MDFIC2: variants seen among roughly 807,000 people sequenced by gnomAD.
MDFIC2 encodes the protein MyoD family inhibitor domain containing 2, also known as myoD family inhibitor domain-containing protein 2.
At chr3:70,234,249 T>A (rs1701587957) in intron 2 of MDFIC2, among the ~76,000 whole-genome samples, 1 of 152,194 alleles carries the variant, frequency 6.6e-6, no homozygotes, top group African/African-American at 2.4e-5. Flanking sequence ...AAAAAATACA[T>A]TTGTTTATTT....
intron 2 of MDFIC2, among the ~76,000 whole-genome samples, chr3:70,274,893 T>A (rs1702007854): frequency 6.6e-6 from 1 of 152,226 alleles, no homozygotes. Flanking sequence ...AACTCTGGGA[T>A]TTGCTCTGTT....
intron 2 of MDFIC2, among the ~76,000 whole-genome samples, chr3:70,244,975 T>C (rs1701693190): frequency 1.3e-5 from 2 of 152,138 alleles, no homozygotes; most frequent in South Asian, 4.1e-4. Context: ...ATACTACTTA[T>C]CTGGTGCTAT....
intron 2 of MDFIC2, among the ~76,000 whole-genome samples, chr3:70,284,067 G>T (rs942739424): frequency 6.6e-6 from 1 of 152,052 alleles, no homozygotes; most frequent in Non-Finnish European, 1.5e-5. Flanking sequence ...AATGAACTTG[G>T]TTTTAAACCT....
At chr3:70,200,177 T>TCAG (rs1576152492) in intron 3 of MDFIC2, among the ~76,000 whole-genome samples, 1 of 152,178 alleles carries the variant, frequency 6.6e-6, no homozygotes, top group African/African-American at 2.4e-5. Flanking sequence ...CTGGCCACCA[T>TCAG]CAGCCACCAG....
intron 2 of MDFIC2, among the ~76,000 whole-genome samples, chr3:70,234,176 T>C (rs577095933): frequency 2.6e-5 from 4 of 152,312 alleles, no homozygotes; most frequent in Admixed American, 2.0e-4. Context: ...TGACTTAGGA[T>C]TGGGTATGAG....
intron 3 of MDFIC2, among the ~76,000 whole-genome samples, chr3:70,202,257 G>A (rs1312290406): frequency 6.6e-6 from 1 of 152,088 alleles, no homozygotes; most frequent in African/African-American, 2.4e-5. Flanking sequence ...CTATTTGATA[G>A]TGGTCAGTGA....
chr3:70,270,693 A>C (rs967632185), intron 2 of MDFIC2, among the ~76,000 whole-genome samples: 5 of 152,194 alleles, frequency 3.3e-5, no homozygotes, highest in Non-Finnish European at 5.9e-5. Context: ...ACACCATGGA[A>C]TACTATGCAG....
At chr3:70,302,853 C>T (rs1702364193) in intron 2 of MDFIC2, among the ~76,000 whole-genome samples, 1 of 152,056 alleles carries the variant, frequency 6.6e-6, no homozygotes, top group African/African-American at 2.4e-5. Flanking sequence ...CCGTTGGGAT[C>T]AATCTCATCA....
At chr3:70,288,631 G>A (rs776646440) in intron 2 of MDFIC2, among the ~76,000 whole-genome samples, 30 of 151,502 alleles carry the variant, frequency 2.0e-4, no homozygotes, top group Non-Finnish European at 3.2e-4. Flanking sequence ...TTTCTGTCTC[G>A]TTGATCCGTC....
At chr3:70,267,149 T>C (rs1575610546) in intron 2 of MDFIC2, among the ~76,000 whole-genome samples, 1 of 152,176 alleles carries the variant, frequency 6.6e-6, no homozygotes, top group South Asian at 2.1e-4. Flanking sequence ...TCTATTTTTA[T>C]AAATTTTCTC....
intron 2 of MDFIC2, among the ~76,000 whole-genome samples, chr3:70,261,577 C>T (rs1232272958): frequency 2.0e-5 from 3 of 152,108 alleles, no homozygotes; most frequent in Non-Finnish European, 4.4e-5. Flanking sequence ...CCATGCTCAC[C>T]CTTTTTGGTT....
rs139296003 is a variant in MDFIC2 at position 70,268,461 on chromosome 3, C to T, written c.88+43425G>A. Among the ~76,000 whole-genome samples, 914 of 116,768 alleles carry T rather than the reference C, an allele frequency of 7.8e-3. 44 individuals carry two copies. The East Asian group carries it at 0.16, about 20-fold the overall frequency. The allele number at this position is 116,768 out of a possible 152,430, so 76.6% of individuals were successfully genotyped here. A position where few individuals can be genotyped will look rare whatever the true frequency, so the allele number is the denominator to read the frequency against. On this transcript the variant is annotated intron_variant, in intron 2 of 3. Coordinates refer to ENST00000567252, the MANE Select transcript of MDFIC2 (RefSeq NM_001364677.1). The stretch of plus-strand genomic sequence containing the variant: ...CTGCACTCCAGCCTGGGCAACAGAG[C>T]GAGACTCCGTCTCAAAAAAAAAAAA...
chr3:70,271,223 G>A (rs560404759), intron 2 of MDFIC2, among the ~76,000 whole-genome samples: 9 of 152,044 alleles, frequency 5.9e-5, no homozygotes, highest in Non-Finnish European at 8.8e-5. Context: ...ATTTATCATT[G>A]ATCTACCTTA....
intron 2 of MDFIC2, among the ~76,000 whole-genome samples, chr3:70,243,638 T>TA (rs1277924257): frequency 3.3e-5 from 5 of 152,190 alleles, no homozygotes; most frequent in Admixed American, 6.5e-5. Flanking sequence ...GCAGCGTCCC[T>TA]AGCCTCTACC....
At chr3:70,303,509 G>A (rs745773259) in intron 2 of MDFIC2, among the ~76,000 whole-genome samples, 15 of 152,102 alleles carry the variant, frequency 9.9e-5, no homozygotes, top group Non-Finnish European at 2.1e-4. Flanking sequence ...TGATTCTCCT[G>A]AACCTAGATT....
At chr3:70,219,927 C>T (rs765684060) in intron 2 of MDFIC2, among the ~76,000 whole-genome samples, 4 of 152,060 alleles carry the variant, frequency 2.6e-5, no homozygotes, top group Admixed American at 6.6e-5. Context: ...GATGGTACTG[C>T]GATGTATTTC....
chr3:70,262,311 G>A (rs947008756), intron 2 of MDFIC2, among the ~76,000 whole-genome samples: 11 of 152,134 alleles, frequency 7.2e-5, no homozygotes, highest in Admixed American at 4.6e-4. Flanking sequence ...AGGAGCCAAC[G>A]CAAAATAGAA....
chr3:70,207,633 C>G (rs1701305150), intron 2 of MDFIC2, among the ~76,000 whole-genome samples: 1 of 145,222 alleles, frequency 6.9e-6, no homozygotes, highest in Non-Finnish European at 1.5e-5. Context: ...TCAGAAAAAG[C>G]TCCCCAAATA....
intron 2 of MDFIC2, among the ~76,000 whole-genome samples, chr3:70,216,626 A>G (rs1701414708): frequency 6.6e-6 from 1 of 152,106 alleles, no homozygotes; most frequent in Non-Finnish European, 1.5e-5. Flanking sequence ...ATTGAATATA[A>G]TGTATTATAG....
Sources: allele counts gnomAD v4.1 joint callset (sites outside exome capture counted in the v4.1 genomes callset), GRCh38; gene constraint gnomAD v4.1.1; transcripts MANE v1.5; gene names NCBI Gene and HGNC (gene_info 2026-07-23, HGNC 2026-07-21).